The following IL2RA variants were observed in gnomAD, a reference collection of about 807,000 sequenced individuals.
IL2RA encodes the protein interleukin 2 receptor subunit alpha.
In IL2RA, 24 loss-of-function variants were observed where a neutral mutation model predicts 37.8. The ratio of observed to expected loss-of-function variants is 0.63; its 90% CI spans 0.46 to 0.89. The LOEUF is 0.89. Among genes scored for constraint, IL2RA ranks in the 40% least tolerant of loss-of-function variants. IL2RA has a pLI of 0.00. For missense variants in IL2RA, 319 were observed against 348.6 expected (o/e 0.92, Z 0.68); for synonymous variants, 125 against 114.6 (o/e 1.09, Z -0.58).
chr10:6,047,285 C>T lies in IL2RA; in HGVS notation c.64+14803G>A, dbSNP rs1839878375. On this transcript the variant is annotated intron_variant, in intron 1 of 7. Coordinates refer to ENST00000379959, the MANE Select transcript of IL2RA (RefSeq NM_000417.3). The surrounding 1 kb of genome is among the most constrained non-coding windows in gnomAD (Gnocchi z 5.0). Reference sequence around the variant, plus strand: ...CATACCATGTGCACAGCACCTGATGCTGGTGGGGTCAGGAGTGTGGCCTGT... The same window carrying T: ...CATACCATGTGCACAGCACCTGATGTTGGTGGGGTCAGGAGTGTGGCCTGT... Among the ~76,000 whole-genome samples, 1 of 152,214 alleles carries T rather than the reference C, an allele frequency of 6.6e-6. No homozygotes were observed. The highest frequency in any genetic ancestry group is 2.1e-4 in the South Asian group (1 of 4,830).
rs1004144206 is a variant in IL2RA at position 6,048,568 on chromosome 10, C to G, written c.64+13520G>C. ...GCTAGCTTATGTAGCCTTACAGCAC[C>G]CAGCAGGGTCTGTGTTATTCCCATT... On this transcript the variant is annotated intron_variant, in intron 1 of 7. Transcript: ENST00000379959. The surrounding 1 kb of genome is among the most constrained non-coding windows in gnomAD (Gnocchi z 5.3). Among the ~76,000 whole-genome samples the G allele has an allele frequency of 6.6e-6, 1 of 152,226 alleles. No homozygotes were observed. Among genetic ancestry groups the G allele is most frequent in the Non-Finnish European group, 1.5e-5 (1 of 68,034 alleles).
chr10:6,053,873 A>G (rs12722498), intron 1 of IL2RA, among the ~76,000 whole-genome samples: 6,765 of 152,286 alleles, frequency 0.044, 299 homozygotes, highest in Admixed American at 0.14. Flanking sequence ...TGCTAGTCCA[A>G]TTGCACCAGC....
At position 6,012,657 on chromosome 10, in the gene IL2RA, G is replaced by T; in HGVS notation, c.*215C>A. On this transcript the variant is annotated 3_prime_UTR_variant, in exon 8 of 8. Transcript: ENST00000379959. This position sits in a 1 kb window ranked among gnomAD's most constrained non-coding sequence, Gnocchi z 4.8. ...ACGGCGAAATTGCTATTTAGAAGTG[G>T]GTAGCGCTCGCTCTCTGATGGGACT... The T allele has an allele frequency of 1.6e-6, 1 of 619,764 alleles. No homozygotes were observed. Among genetic ancestry groups the T allele is most frequent in the Non-Finnish European group, 2.9e-6 (1 of 343,726 alleles). 38.4% of individuals were successfully genotyped at this position (619,764 alleles called of 1,614,324 possible). A position where few individuals can be genotyped will look rare whatever the true frequency, so the allele number is the denominator to read the frequency against.
At chr10:6,030,355 T>C (rs1839557250) in intron 1 of IL2RA, among the ~76,000 whole-genome samples, 1 of 152,140 alleles carries the variant, frequency 6.6e-6, no homozygotes, top group Non-Finnish European at 1.5e-5. Flanking sequence ...GTAGCTAAAC[T>C]GCTGAAAACC....
At chr10:6,051,056 C>T (rs943833690) in intron 1 of IL2RA, among the ~76,000 whole-genome samples, 10 of 146,426 alleles carry the variant, frequency 6.8e-5, no homozygotes, top group Non-Finnish European at 1.4e-4. Flanking sequence ...ACCCCTCCAA[C>T]TTTTTTTTTT....
At chr10:6,026,383 A>G (rs1214158498) in intron 1 of IL2RA, among the ~76,000 whole-genome samples, 2 of 152,254 alleles carry the variant, frequency 1.3e-5, no homozygotes, top group Non-Finnish European at 1.5e-5. Flanking sequence ...CATTTAATTG[A>G]GGGGCAAAAT....
intron 3 of IL2RA, among the ~76,000 whole-genome samples, chr10:6,023,894 G>A (rs143773893): frequency 3.2e-4 from 49 of 152,352 alleles, no homozygotes; most frequent in African/African-American, 1.1e-3. Flanking sequence ...GGCAGGGATC[G>A]TTGTCACACT....
At chr10:6,059,294 A>G (rs192133296) in intron 1 of IL2RA, among the ~76,000 whole-genome samples, 1 of 152,334 alleles carries the variant, frequency 6.6e-6, no homozygotes, top group African/African-American at 2.4e-5. Context: ...TGCAATGAAC[A>G]GAAACAGAAC....
At position 6,037,704 on chromosome 10, in the gene IL2RA, G is replaced by A. The variant is rs543424186; in HGVS notation, c.65-11679C>T. 1.7e-4 allele frequency among the ~76,000 whole-genome samples: 26 copies of A among 152,146 alleles called. 1 individual carries two copies. Among genetic ancestry groups the A allele is most frequent in the African/African-American group, 5.5e-4 (23 of 41,500 alleles). On this transcript the variant is annotated intron_variant, in intron 1 of 7. Transcript: ENST00000379959. ...GAGACCCGAATCTTCCTCTTGTTCC[G>A]CTCACTGCCCCCCTGTGGCCCCTTC...
At position 6,048,928 on chromosome 10, in the gene IL2RA, C is replaced by T. The variant is rs1839906322; in HGVS notation, c.64+13160G>A. 6.6e-6 allele frequency among the ~76,000 whole-genome samples: 1 copy of T among 152,256 alleles called. No homozygotes were observed. Among genetic ancestry groups the T allele is most frequent in the Non-Finnish European group, 1.5e-5 (1 of 68,044 alleles). On this transcript the variant is annotated intron_variant, in intron 1 of 7. Coordinates refer to ENST00000379959, the MANE Select transcript of IL2RA (RefSeq NM_000417.3). This position sits in a 1 kb window ranked among gnomAD's most constrained non-coding sequence, Gnocchi z 5.3. ...GCCTGAGCTCTCCTGCCTTGCGGGA[C>T]TCTGCGTGGCTCTTGGAGCTCACCA...
rs1238206847 is a variant in IL2RA, at chr10:6,047,876, A to C, written c.64+14212T>G. ...GAGTATAATAGTCAATATAATTAAAATTATTACTTATGCAGTAATTAATTA... is the reference window on the plus strand; with the variant it reads ...GAGTATAATAGTCAATATAATTAAACTTATTACTTATGCAGTAATTAATTA... On this transcript the variant is annotated intron_variant, in intron 1 of 7. Transcript: ENST00000379959. This position sits in a 1 kb window ranked among gnomAD's most constrained non-coding sequence, Gnocchi z 5.0. Among the ~76,000 whole-genome samples the C allele has an allele frequency of 2.0e-5, 3 of 151,996 alleles. No homozygotes were observed. Among genetic ancestry groups the C allele is most frequent in the Non-Finnish European group, 4.4e-5 (3 of 67,998 alleles).
chr10:6,041,969 T>C (rs2132881978), intron 1 of IL2RA, among the ~76,000 whole-genome samples: 1 of 151,548 alleles, frequency 6.6e-6, no homozygotes, highest in African/African-American at 2.4e-5. Context: ...TAAGAGAAAC[T>C]AGATCAAAAA....
At chr10:6,042,918 A>T (rs982173997) in intron 1 of IL2RA, among the ~76,000 whole-genome samples, 1 of 152,226 alleles carries the variant, frequency 6.6e-6, no homozygotes, top group Non-Finnish European at 1.5e-5. Flanking sequence ...GCTGATGAGG[A>T]TTATAAATTA....
chr10:6,045,681 G>A (rs962642672), intron 1 of IL2RA, among the ~76,000 whole-genome samples: 18 of 152,128 alleles, frequency 1.2e-4, no homozygotes, highest in African/African-American at 3.9e-4. Context: ...TCTTGGGATG[G>A]AGTCATATTT....
rs181711072 is a variant in IL2RA, at chr10:6,057,857, G to A, written c.64+4231C>T. ...AGTCACAAAGAGGACTGGGTGCGGT[G>A]GCTCATGCCTGTAATCCCAGTGCTT... On this transcript the variant is annotated intron_variant, in intron 1 of 7. Coordinates refer to ENST00000379959, the MANE Select transcript of IL2RA (RefSeq NM_000417.3). The surrounding 1 kb of genome is among the most constrained non-coding windows in gnomAD (Gnocchi z 4.8). Among the ~76,000 whole-genome samples the A allele has an allele frequency of 5.1e-4, 78 of 152,316 alleles. 1 individual carries two copies. The highest frequency in any genetic ancestry group is 2.8e-4 in the Non-Finnish European group (19 of 68,028).
At position 6,054,124 on chromosome 10, in the gene IL2RA, C is replaced by T. The variant is rs1195635099; in HGVS notation, c.64+7964G>A. On this transcript the variant is annotated intron_variant, in intron 1 of 7. Transcript: ENST00000379959. This position sits in a 1 kb window ranked among gnomAD's most constrained non-coding sequence, Gnocchi z 4.5. ...ACTTTGTTGCCCTGGAGTTTCCTGC[C>T]ACCTGAACCCCTCCTTAAGCAGGAT... Among the ~76,000 whole-genome samples the T allele has an allele frequency of 6.6e-6, 1 of 152,246 alleles. No individual in the cohort carries two copies. The highest frequency in any genetic ancestry group is 1.5e-5 in the Non-Finnish European group (1 of 68,048).
intron 2 of IL2RA, among the ~76,000 whole-genome samples, chr10:6,024,614 G>C (rs56259311): frequency 6.8e-6 from 1 of 146,828 alleles, no homozygotes; most frequent in South Asian, 2.1e-4. Flanking sequence ...TGTATGTTAC[G>C]TGTCTGTGTA....
At position 6,015,597 on chromosome 10, in the gene IL2RA, T is replaced by A. The variant is rs1027061860; in HGVS notation, c.794+2456A>T. Among the ~76,000 whole-genome samples the A allele has an allele frequency of 9.2e-5, 14 of 152,346 alleles. No homozygotes were observed. In the East Asian group the frequency reaches 2.7e-3, roughly 29 times the overall value. ...GATTCTTTCAACAAATGTTTTTAAG[T>A]TGACACATAATAGTTATATATATTT... On this transcript the variant is annotated intron_variant, in intron 7 of 7. Coordinates refer to ENST00000379959, the MANE Select transcript of IL2RA (RefSeq NM_000417.3). The surrounding 1 kb of genome is among the most constrained non-coding windows in gnomAD (Gnocchi z 4.9).
intron 6 of IL2RA, 78 bp downstream of exon 6, chr10:6,019,350 A>G: frequency 1.8e-6 from 2 of 1,112,944 alleles, no homozygotes; most frequent in Non-Finnish European, 2.8e-6. Context: ...CAACCAACTA[A>G]CCAACCTACT....
Sources: gnomAD v4.1 joint callset for allele counts (sites outside exome capture counted in the v4.1 genomes callset) on GRCh38, gnomAD v4.1.1 for gene constraint, Gnocchi (gnomAD v3.1) non-coding constraint, MANE v1.5 for transcripts, NCBI Gene and HGNC (gene_info 2026-07-23, HGNC 2026-07-21) for gene names.